Variants in DGCR2 observed in about 807,000 individuals in gnomAD.
DGCR2 encodes DiGeorge syndrome critical region gene 2, also known as integral membrane protein DGCR2/IDD.
In DGCR2, 24 loss-of-function variants were observed where a neutral mutation model predicts 51.6. The ratio of observed to expected loss-of-function variants is 0.47; its 90% CI spans 0.34 to 0.65. The LOEUF is 0.65. Among genes scored for constraint, DGCR2 ranks in the 30% least tolerant of loss-of-function variants. DGCR2 has a pLI of 0.01. For synonymous variants in DGCR2, 340 were observed against 315.4 expected (o/e 1.08, Z -0.82); for missense variants, 765 against 772.1 (o/e 0.99, Z 0.11).
chr22:19,088,532 G>T lies in DGCR2; in HGVS notation c.202+836C>A, dbSNP rs188291219. ...CTGAAGGGGAAGTAGTGATAAATCA[G>T]GTTGGCAAAGCAGACCTAAACCAGC... On this transcript the variant is annotated intron_variant, in intron 2 of 9. Transcript: ENST00000263196. 4.6e-4 allele frequency among the ~76,000 whole-genome samples: 70 copies of T among 152,312 alleles called. 1 individual carries two copies. The highest frequency in any genetic ancestry group is 1.6e-3 in the African/African-American group (67 of 41,562).
intron 6 of DGCR2, chr22:19,056,642 G>C (rs1006898009): frequency 2.6e-6 from 1 of 390,248 alleles, no homozygotes; most frequent in Admixed American, 4.4e-5. Context: ...ATGGGGGGTG[G>C]GGAGGTGACA....
At chr22:19,076,175 G>C (rs11703439) in intron 2 of DGCR2, among the ~76,000 whole-genome samples, 1 of 150,602 alleles carries the variant, frequency 6.6e-6, no homozygotes, top group Non-Finnish European at 1.5e-5. Flanking sequence ...TTTATTTTTT[G>C]GGGGGGAAGG....
chr22:19,051,958 A>G (rs2082553002), intron 6 of DGCR2, among the ~76,000 whole-genome samples: 1 of 152,202 alleles, frequency 6.6e-6, no homozygotes. Flanking sequence ...GAGGATATGG[A>G]GAAATTAAAT....
intron 7 of DGCR2, chr22:19,046,189 T>C (rs560693568): frequency 5.9e-5 from 9 of 152,338 alleles, no homozygotes; most frequent in South Asian, 4.1e-4. Flanking sequence ...TTAAGCCTTT[T>C]TGTCATCATG....
chr22:19,114,338 C>T (rs117232487), intron 1 of DGCR2, among the ~76,000 whole-genome samples: 2,004 of 152,320 alleles, frequency 0.013, 37 homozygotes, highest in South Asian at 0.058. Context: ...ATCTTCTACA[C>T]CCTTGGGCTC....
intron 9 of DGCR2, 145 bp from the exon 10 acceptor site, chr22:19,039,266 C>G (rs1309020029): frequency 1.4e-5 from 14 of 993,796 alleles, no homozygotes; most frequent in Admixed American, 2.7e-5. Flanking sequence ...GTGGCTCCCC[C>G]GGGCCTCAGA....
chr22:19,039,222 G>GC (rs2082405233), intron 9 of DGCR2, 101 bp from the exon 10 acceptor site: 1 of 1,473,400 alleles, frequency 6.8e-7, no homozygotes, highest in African/African-American at 1.4e-5. Flanking sequence ...CTGCCTGAAG[G>GC]CCCCCCTGAA....
rs755902639 is a variant in DGCR2 at position 19,068,136 on chromosome 22, G to C, written c.292C>G (p.His98Asp). 1 of 1,608,996 alleles carries C rather than the reference G, an allele frequency of 6.2e-7. No homozygotes were observed. Among genetic ancestry groups the C allele is most frequent in the South Asian group, 1.1e-5 (1 of 90,630 alleles). The change falls in exon 3 of 10, where the codon CAC (histidine) becomes GAC (aspartate). Residue 98 changes from histidine to aspartate, a missense_variant. His to Asp is a moderately conservative substitution (Grantham distance 81). This residue lies in a region of DGCR2 where 370 missense variants were observed against 325.5 expected (regional missense o/e 1.14). Coordinates refer to ENST00000263196, the MANE Select transcript of DGCR2 (RefSeq NM_005137.3). Reference protein sequence around the residue: ...RARGGDPSHFHAVNVAQPVRF... With the variant: ...RARGGDPSHFDAVNVAQPVRF... ...ACGGGCTGCGCCACGTTCACCGCGT[G>C]GAAGTGCGAAGGGTCGCCTCCTCTG...
At chr22:19,060,916 AGTAAGC>A (rs778652860) in intron 5 of DGCR2, 2 of 510,650 alleles carry the variant, frequency 3.9e-6, no homozygotes, top group South Asian at 2.9e-5. Context: ...ACATGGGCAT[AGTAAGC>A]GTCTATGTAC....
intron 6 of DGCR2, among the ~76,000 whole-genome samples, chr22:19,051,373 AT>A (rs2082547427): frequency 6.6e-6 from 1 of 152,180 alleles, no homozygotes; most frequent in African/African-American, 2.4e-5. Flanking sequence ...TAGAAAAAAT[AT>A]TTGCAAACCA....
At chr22:19,114,872 C>T (rs895427430) in intron 1 of DGCR2, among the ~76,000 whole-genome samples, 2 of 152,204 alleles carry the variant, frequency 1.3e-5, no homozygotes, top group Admixed American at 1.3e-4. Flanking sequence ...ATACTGTCCT[C>T]AGTACTGTCC....
At chr22:19,040,413 G>A (rs566473243) in intron 9 of DGCR2, among the ~76,000 whole-genome samples, 2 of 152,340 alleles carry the variant, frequency 1.3e-5, no homozygotes, top group South Asian at 4.1e-4. Context: ...TATACTACAG[G>A]TTTGTGTGTG....
At chr22:19,064,777 G>A in intron 4 of DGCR2, 71 bp downstream of exon 4, 3 of 1,447,920 alleles carry the variant, frequency 2.1e-6, no homozygotes, top group Non-Finnish European at 2.9e-6. Flanking sequence ...TTACTGAGTG[G>A]TCAGAGGCCA....
rs1403885691 is a variant in DGCR2 at position 19,063,222 on chromosome 22, C to A, written c.605G>T (p.Arg202Leu). Residue 202 changes from arginine to leucine, a missense_variant, in exon 5 of 10, where the codon CGC becomes CTC. Coordinates refer to ENST00000263196, the MANE Select transcript of DGCR2 (RefSeq NM_005137.3). ...CTCACCTTTGAATGCCACCTCCCAG[C>A]GACCTTCCAAGGAGCGGTTCCGGCC... Reference protein sequence around the residue: ...ITGRNRSLEGRWEVAFKGSSE... With the variant: ...ITGRNRSLEGLWEVAFKGSSE... 3 of 1,614,174 alleles carry A rather than the reference C, an allele frequency of 1.9e-6. No individual in the cohort carries two copies. The highest frequency in any genetic ancestry group is 1.7e-5 in the Admixed American group (1 of 60,026).
At chr22:19,103,966 G>C (rs1032144991) in intron 1 of DGCR2, among the ~76,000 whole-genome samples, 1 of 151,996 alleles carries the variant, frequency 6.6e-6, no homozygotes, top group African/African-American at 2.4e-5. Context: ...AGGTTACAGT[G>C]AGCTATGACC....
Position 19,089,428 on chromosome 22 carries a change from G to C in DGCR2, c.142C>G (p.Pro48Ala). The C allele has an allele frequency of 1.9e-6, 3 of 1,610,296 alleles. No homozygotes were observed. The highest frequency in any genetic ancestry group is 2.5e-6 in the Non-Finnish European group (3 of 1,178,238). ...RSGTIQCIPLPWQCDGWATCE... is the reference protein window; with the variant it reads ...RSGTIQCIPLAWQCDGWATCE... ...GTCGCCCAGCCGTCACACTGCCAGG[G>C]GAGGGGGATGCACTGGATGGTGCCG... The change falls in exon 2 of 10, where the codon CCC becomes GCC. Residue 48 changes from proline to alanine, a missense_variant. Pro to Ala is a conservative substitution (Grantham distance 27, BLOSUM62 -1). Coordinates refer to ENST00000263196, the MANE Select transcript of DGCR2 (RefSeq NM_005137.3).
chr22:19,119,847 G>C (rs1343816886), intron 1 of DGCR2, among the ~76,000 whole-genome samples: 1 of 151,996 alleles, frequency 6.6e-6, no homozygotes, highest in East Asian at 1.9e-4. Context: ...AGGAAGCCCA[G>C]GTGGCTTGGC....
rs2082511653 is a variant in DGCR2 at position 19,048,268 on chromosome 22, T to C, written c.1006+172A>G. The C allele has an allele frequency of 5.8e-6, 4 of 685,804 alleles. No homozygotes were observed. In the South Asian group the frequency reaches 7.2e-5, roughly 12 times the overall value. 42.5% of individuals were successfully genotyped at this position (685,804 alleles called of 1,614,324 possible). On this transcript the variant is annotated intron_variant, in intron 7 of 9. Coordinates refer to ENST00000263196, the MANE Select transcript of DGCR2 (RefSeq NM_005137.3). Reference sequence around the variant, plus strand: ...GAGGGGTCGTGTCAGACACGCCCACTAGAGTAGTGGCATCAAAGTCTCTGA... The same window carrying C: ...GAGGGGTCGTGTCAGACACGCCCACCAGAGTAGTGGCATCAAAGTCTCTGA...
At chr22:19,092,999 A>G (rs201286808) in intron 1 of DGCR2, among the ~76,000 whole-genome samples, 21 of 149,208 alleles carry the variant, frequency 1.4e-4, no homozygotes, top group South Asian at 4.3e-4. Context: ...AGAAGAGAAG[A>G]AGGAGGAGGA....
Sources: gnomAD v4.1 joint callset for allele counts (sites outside exome capture counted in the v4.1 genomes callset) on GRCh38, gnomAD v4.1.1 for gene constraint, gnomAD v4.1.1 regional missense constraint, MANE v1.5 for transcripts, NCBI Gene and HGNC (gene_info 2026-07-23, HGNC 2026-07-21) for gene names.